Variants in RHOU observed in about 807,000 individuals in gnomAD.
The protein encoded by RHOU is ras homolog family member U, also known as rho-related GTP-binding protein RhoU.
In RHOU, 8 loss-of-function variants were observed where a neutral mutation model predicts 12.6. That is an observed-to-expected ratio of 0.64 (90% CI 0.37 to 1.15). The LOEUF (loss-of-function observed/expected upper bound fraction) is 1.15, where lower values mean the gene tolerates loss of function less well. Ranked by LOEUF, RHOU falls within the 50% of genes most tolerant of loss-of-function variation. The probability of loss-of-function intolerance (pLI) is 0.01; values close to 1 mark genes in which losing one functional copy is unlikely to be tolerated. For missense variants in RHOU, 258 were observed against 347.0 expected (o/e 0.74, Z 2.04); for synonymous variants, 161 against 147.4 (o/e 1.09, Z -0.67).
chr1:228,650,064 G>C, the RHOU span: 612 of 397,022 alleles, frequency 1.5e-3, 5 homozygotes, highest in African/African-American at 0.012. Context: ...TTCTCTAAAG[G>C]CATCTGCAAT....
At chr1:228,733,560 G>GC (rs534566197), upstream of RHOU, among the ~76,000 whole-genome samples, 25 of 152,314 alleles carry the variant, frequency 1.6e-4, no homozygotes, top group South Asian at 5.0e-3. Context: ...GACTGCTTCA[G>GC]CCCCCCAAAG....
rs1329288326 is a variant in RHOU, at chr1:228,738,488, GTC to G, written c.321+763_321+764del. On this transcript the variant is annotated intron_variant, in intron 2 of 2. Transcript: ENST00000366691. The surrounding 1 kb of genome is among the most constrained non-coding windows in gnomAD (Gnocchi z 4.2). ...TGGCAAAGTGATAGTTAATGAACTT[GTC>G]TCTCTAGTATGTTCTAGAGTTCAGC... Among the ~76,000 whole-genome samples the G allele has an allele frequency of 6.6e-6, 1 of 152,138 alleles. No homozygotes were observed.
chr1:228,721,911 C>A, the RHOU span, among the ~76,000 whole-genome samples: 1 of 152,214 alleles, frequency 6.6e-6, no homozygotes, highest in Non-Finnish European at 1.5e-5. Flanking sequence ...CCTCAGCCTC[C>A]CAAATTGCTG....
At chr1:228,671,606 A>G in the RHOU span, among the ~76,000 whole-genome samples, 1 of 149,164 alleles carries the variant, frequency 6.7e-6, no homozygotes, top group Non-Finnish European at 1.5e-5. Flanking sequence ...AATCCCAGCT[A>G]CTCATGAGGC....
In RHOU at chr1:228,746,007, C is replaced by A. The variant is rs1287061561; in HGVS notation, c.*2267C>A. On this transcript the variant is annotated 3_prime_UTR_variant, in exon 3 of 3. Transcript: ENST00000366691. ...GGTGGAAAGTGCTCAGTGAAGTACA[C>A]CTGTGTGGCCCAGTTCTGAAAGCTT... The A allele has an allele frequency of 1.3e-5, 2 of 152,230 alleles. No individual in the cohort carries two copies. The highest frequency in any genetic ancestry group is 2.9e-5 in the Non-Finnish European group (2 of 68,046). 9.4% of individuals were successfully genotyped at this position (152,230 alleles called of 1,614,324 possible).
At chr1:228,691,296 T>C in the RHOU span, among the ~76,000 whole-genome samples, 2 of 152,160 alleles carry the variant, frequency 1.3e-5, no homozygotes, top group African/African-American at 4.8e-5. Context: ...TCACTCTTAG[T>C]GTTGTACATT....
intron 2 of RHOU, among the ~76,000 whole-genome samples, chr1:228,741,498 G>T (rs1006842315): frequency 2.6e-5 from 4 of 152,066 alleles, no homozygotes; most frequent in Non-Finnish European, 1.5e-5. Context: ...TACCTGAGGG[G>T]GCTGCCTTAA....
At chr1:228,730,500 A>G (rs1420324818), upstream of RHOU, among the ~76,000 whole-genome samples, 2 of 152,168 alleles carry the variant, frequency 1.3e-5, 1 homozygote, top group Non-Finnish European at 2.9e-5. Context: ...ATGTTTGACC[A>G]TATGACCCTC....
the RHOU span, among the ~76,000 whole-genome samples, chr1:228,659,605 AGACT>A: frequency 2.6e-5 from 4 of 152,152 alleles, no homozygotes; most frequent in African/African-American, 4.8e-5. Context: ...CAAACTTTAT[AGACT>A]GACTAAGAAA....
the RHOU span, among the ~76,000 whole-genome samples, chr1:228,710,308 T>C: frequency 6.6e-6 from 1 of 152,186 alleles, no homozygotes; most frequent in African/African-American, 2.4e-5. Flanking sequence ...TAACTCATTT[T>C]ATGAGGCCAG....
chr1:228,650,559 C>A, the RHOU span: 1 of 456,960 alleles, frequency 2.2e-6, no homozygotes, highest in South Asian at 1.5e-5. Flanking sequence ...GGCGGGTTGT[C>A]CTCACCTCAC....
At chr1:228,735,381 C>T (rs928722546), upstream of RHOU, 1 of 157,082 alleles carries the variant, frequency 6.4e-6, no homozygotes, top group Non-Finnish European at 1.4e-5. This position sits in a 1 kb window ranked among gnomAD's most constrained non-coding sequence, Gnocchi z 8.1. Context: ...GGCGCGGGGA[C>T]CGAGCCGCTC....
chr1:228,682,196 A>G, the RHOU span, among the ~76,000 whole-genome samples: 1 of 152,146 alleles, frequency 6.6e-6, no homozygotes, highest in Admixed American at 6.5e-5. Context: ...GAAGAGAGTG[A>G]AAAGACTGTT....
the RHOU span, among the ~76,000 whole-genome samples, chr1:228,661,041 A>G: frequency 6.6e-6 from 1 of 152,136 alleles, no homozygotes; most frequent in East Asian, 1.9e-4. Context: ...TACACCAATA[A>G]CAGACAAACA....
chr1:228,657,304 G>GAAAAAAAAAAAAAAAAAAAAAAAAAAA, the RHOU span, among the ~76,000 whole-genome samples: 1 of 112,722 alleles, frequency 8.9e-6, no homozygotes, highest in East Asian at 2.6e-4. Context: ...AAAAAAAAAG[G>GAAAAAAAAAAAAAAAAAAAAAAAAAAA]AAAAAGAAAA....
chr1:228,720,149 G>A, the RHOU span, among the ~76,000 whole-genome samples: 14,640 of 151,952 alleles, frequency 0.096, 770 homozygotes, highest in Middle Eastern at 0.22. Context: ...GCAACATAGC[G>A]AGACCCCGTC....
chr1:228,694,310 C>T, the RHOU span, among the ~76,000 whole-genome samples: 1 of 152,028 alleles, frequency 6.6e-6, no homozygotes, highest in South Asian at 2.1e-4. Context: ...TGTTTTTAGT[C>T]TTGCTTATTT....
At chr1:228,725,967 G>A in the RHOU span, among the ~76,000 whole-genome samples, 1 of 152,090 alleles carries the variant, frequency 6.6e-6, no homozygotes, top group African/African-American at 2.4e-5. Context: ...ATTACTTAAG[G>A]TCACCTTTAC....
the RHOU span, among the ~76,000 whole-genome samples, chr1:228,708,121 A>G: frequency 1.4e-3 from 213 of 152,212 alleles, 1 homozygote; most frequent in Non-Finnish European, 2.9e-3. Context: ...AAGAATAAAA[A>G]GAAACGAGCA....
Sources: allele counts gnomAD v4.1 joint callset (sites outside exome capture counted in the v4.1 genomes callset), GRCh38; gene constraint gnomAD v4.1.1; non-coding constraint Gnocchi (gnomAD v3.1); transcripts MANE v1.5; gene names NCBI Gene and HGNC (gene_info 2026-07-23, HGNC 2026-07-21).